Variants in GMPR2 observed in about 807,000 individuals in gnomAD.
GMPR2 encodes guanosine monophosphate reductase 2.
Under a neutral mutation model 38.5 loss-of-function variants are expected in GMPR2, and 32 were observed. The observed-to-expected ratio is 0.83, with a 90% CI of 0.63 to 1.12. The LOEUF (loss-of-function observed/expected upper bound fraction) is 1.12, where lower values mean the gene tolerates loss of function less well. GMPR2 is among the 50% of genes most tolerant of loss of function. The pLI, the probability that GMPR2 is intolerant of heterozygous loss-of-function variation, is 0.00. For synonymous variants in GMPR2, 154 were observed against 151.0 expected (o/e 1.02, Z -0.15); for missense variants, 396 against 432.1 (o/e 0.92, Z 0.74).
intron 5 of GMPR2, 142 bp downstream of exon 5, chr14:24,236,282 CT>C: frequency 1.4e-6 from 1 of 704,042 alleles, no homozygotes; most frequent in Non-Finnish European, 2.5e-6. Context: ...ATCCATAGTT[CT>C]AAGCTGAAAA....
Position 24,233,343 on chromosome 14 carries a change from G to A in GMPR2, c.87+3G>A, listed in dbSNP as rs2040151658. On this transcript the variant is annotated splice_donor_region_variant and intron_variant, in intron 2 of 9. Transcript: ENST00000399440. ...GTACCCTTAAGTCTCGAAGTGAGGTGAGCAAGCTTCTCTACTTGCTGTTTC... is the reference window on the plus strand; with the variant it reads ...GTACCCTTAAGTCTCGAAGTGAGGTAAGCAAGCTTCTCTACTTGCTGTTTC... The A allele has an allele frequency of 1.9e-6, 3 of 1,613,876 alleles. No homozygotes were observed. The highest frequency in any genetic ancestry group is 1.6e-4 in the Middle Eastern group (1 of 6,082).
Position 24,239,170 on chromosome 14 carries a change from A to G in GMPR2, c.*392A>G. The G allele has an allele frequency of 2.7e-6, 1 of 373,476 alleles. No individual in the cohort carries two copies. Among genetic ancestry groups the G allele is most frequent in the East Asian group, 7.1e-5 (1 of 14,030 alleles). The allele number at this position is 373,476 out of a possible 1,614,324, so 23.1% of individuals were successfully genotyped here. ...ATCCGCTTCACTAAATTGGACCTTC[A>G]CATATCTAAAAAGCTCTGAAGTGTT... On this transcript the variant is annotated 3_prime_UTR_variant, in exon 10 of 10. Coordinates refer to ENST00000399440, the MANE Select transcript of GMPR2 (RefSeq NM_001002002.3).
rs778673191 is a variant in GMPR2 at position 24,237,531 on chromosome 14, C to T, written c.666C>T (p.Cys222=). ...LKGHIISDGG[C]SCPGDVAKAF... ...TCCTTACTTTGCAGGATGGAGGTTG[C>T]AGCTGTCCTGGGGATGTGGCCAAGG... is the stretch of plus-strand genomic sequence containing the variant. Residue 222 remains cysteine, a synonymous_variant, in exon 8 of 10, where the codon TGC becomes TGT. Coordinates refer to ENST00000399440, the MANE Select transcript of GMPR2 (RefSeq NM_001002002.3). 6.8e-6 allele frequency: 11 copies of T among 1,613,828 alleles called. No individual in the cohort carries two copies. Among genetic ancestry groups the T allele is most frequent in the Non-Finnish European group, 8.5e-6 (10 of 1,179,896 alleles).
chr14:24,238,676 G>A lies in GMPR2; in HGVS notation c.945G>A (p.Thr315=), dbSNP rs368439578. The A allele has an allele frequency of 8.7e-6, 14 of 1,613,756 alleles. No individual in the cohort carries two copies. The South Asian group carries it at 8.8e-5, about 10-fold the overall frequency. ...ACATCCTAGGAGGGATCCGCTCTAC[G>A]TGTACCTATGTGGGAGCAGCTAAGC... The part of the protein sequence containing the change: ...IRDILGGIRS[T]CTYVGAAKLK... The change falls in exon 10 of 10, where the codon ACG becomes ACA. Residue 315 remains threonine, a synonymous_variant. Transcript: ENST00000399440.
chr14:24,236,972 G>A (rs1392744832), intron 5 of GMPR2, 99 bp from the exon 6 acceptor site: 44 of 925,738 alleles, frequency 4.8e-5, no homozygotes, highest in Non-Finnish European at 7.1e-5. Context: ...TCCTTTCTTT[G>A]TAATAATGTT....
At chr14:24,233,003 T>A (rs546105519) in intron 1 of GMPR2, 26 bp downstream of exon 1, 1 of 611,546 alleles carries the variant, frequency 1.6e-6, no homozygotes, top group East Asian at 2.8e-5. Context: ...TCAGGGTCTC[T>A]CACAACCCTT....
At position 24,236,008 on chromosome 14, in the gene GMPR2, G is replaced by T. The variant is rs767405467; in HGVS notation, c.333G>T (p.Glu111Asp). 1.8e-5 allele frequency: 29 copies of T among 1,613,990 alleles called. No homozygotes were observed. Among genetic ancestry groups the T allele is most frequent in the Non-Finnish European group, 2.5e-5 (29 of 1,179,976 alleles). The change falls in exon 5 of 10, where the codon GAG (glutamate) becomes GAT (aspartate). Residue 111 changes from glutamate (E) to aspartate (D), a missense_variant. Glu to Asp is a conservative substitution (Grantham distance 45). Coordinates refer to ENST00000399440, the MANE Select transcript of GMPR2 (RefSeq NM_001002002.3). ...CAGGCACAGGCTCTTCTGACTTTGA[G>T]CAGCTGGAACAGATCCTGGAAGCTA... ...ASSGTGSSDF[E>D]QLEQILEAIP...
chr14:24,237,252 G>A lies in GMPR2; in HGVS notation c.555G>A (p.Val185=), dbSNP rs773884161. 1.0e-5 allele frequency: 16 copies of A among 1,604,144 alleles called. No homozygotes were observed. In the South Asian group the frequency reaches 1.7e-4, roughly 17 times the overall value. Residue 185 remains valine (V), a synonymous_variant, in exon 7 of 10, where the codon GTG becomes GTA. Transcript: ENST00000399440. The part of the protein sequence containing the change: ...IIKVGIGPGS[V]CTTRKKTGVG... The stretch of plus-strand genomic sequence containing the variant: ...TTATCATGTTCTTCCTAGGCTCTGT[G>A]TGTACTACTCGGAAGAAAACTGGAG...
chr14:24,234,760 T>C (rs1594520992), intron 3 of GMPR2, among the ~76,000 whole-genome samples: 3 of 152,258 alleles, frequency 2.0e-5, no homozygotes, highest in South Asian at 2.1e-4. Context: ...ACTCTGCCAG[T>C]ATATCTCCAA....
rs1214922972 is a variant in GMPR2 at position 24,237,083 on chromosome 14, G to GT, written c.479dup (p.Thr161AsnfsTer14). 45 of 1,612,510 alleles carry GT rather than the reference G, an allele frequency of 2.8e-5. No homozygotes were observed. Among genetic ancestry groups the GT allele is most frequent in the Non-Finnish European group, 3.7e-5 (44 of 1,178,632 alleles). ...TGCTCTGTCTCAGGCAGGGAATGTG[G>GT]TAACAGGAGAGATGGTAGAAGAGCT... On this transcript the variant is annotated frameshift_variant, in exon 6 of 10. Coordinates refer to ENST00000399440, the MANE Select transcript of GMPR2 (RefSeq NM_001002002.3). LOFTEE classifies it high-confidence loss of function.
chr14:24,236,277 T>C, intron 5 of GMPR2, 137 bp downstream of exon 5: 6 of 717,250 alleles, frequency 8.4e-6, no homozygotes, highest in South Asian at 5.2e-5. Flanking sequence ...TGATTATCCA[T>C]AGTTCTAAGC....
chr14:24,232,758 T>C (rs1025162712), upstream of GMPR2: 1 of 228,640 alleles, frequency 4.4e-6, no homozygotes, highest in African/African-American at 2.3e-5. Context: ...CCTGTTGGCG[T>C]GGCCCAGAAG....
rs543473667 is a variant in GMPR2, at chr14:24,237,528, T to C, written c.663T>C (p.Gly221=). The change falls in exon 8 of 10, where the codon GGT becomes GGC. Residue 221 remains glycine, a synonymous_variant. Transcript: ENST00000399440. ...GLKGHIISDG[G]CSCPGDVAKA... Reference sequence around the variant, plus strand: ...TGCTCCTTACTTTGCAGGATGGAGGTTGCAGCTGTCCTGGGGATGTGGCCA... The same window carrying C: ...TGCTCCTTACTTTGCAGGATGGAGGCTGCAGCTGTCCTGGGGATGTGGCCA... The C allele has an allele frequency of 3.1e-6, 5 of 1,613,780 alleles. No individual in the cohort carries two copies. The highest frequency in any genetic ancestry group is 2.7e-5 in the African/African-American group (2 of 74,862).
intron 8 of GMPR2, chr14:24,237,933 A>G (rs1334247286): frequency 2.2e-6 from 1 of 464,674 alleles, no homozygotes; most frequent in Non-Finnish European, 3.8e-6. Flanking sequence ...ACATGAAATG[A>G]GTCTTATTTA....
At chr14:24,236,226 T>G (rs1445817324) in intron 5 of GMPR2, 86 bp downstream of exon 5, 1 of 902,268 alleles carries the variant, frequency 1.1e-6, no homozygotes, top group African/African-American at 1.7e-5. Flanking sequence ...TCTCCTCTGC[T>G]GCATTATGAT....
intron 3 of GMPR2, chr14:24,234,253 T>A: frequency 1.6e-6 from 2 of 1,288,446 alleles, no homozygotes; most frequent in South Asian, 2.5e-5. Flanking sequence ...TAGAGAGTTA[T>A]CTGGGCACTT....
intron 8 of GMPR2, 196 bp from the exon 9 acceptor site, chr14:24,238,050 G>C: frequency 1.1e-5 from 6 of 546,916 alleles, no homozygotes; most frequent in Non-Finnish European, 1.9e-5. Flanking sequence ...TAAATCTTGG[G>C]GAAATCATAC....
At chr14:24,233,696 T>A in intron 3 of GMPR2, 98 bp downstream of exon 3, 1 of 1,346,172 alleles carries the variant, frequency 7.4e-7, no homozygotes, top group Non-Finnish European at 1.1e-6. Context: ...GTCAGTTCTC[T>A]GGCAGTTAGC....
At position 24,238,382 on chromosome 14, in the gene GMPR2, T is replaced by C. The variant is rs374877136; in HGVS notation, c.834T>C (p.Tyr278=). 1.9e-5 allele frequency: 30 copies of C among 1,613,936 alleles called. No individual in the cohort carries two copies. Among genetic ancestry groups the C allele is most frequent in the Admixed American group, 1.2e-4 (7 of 59,984 alleles). Residue 278 remains tyrosine, a synonymous_variant, in exon 9 of 10, where the codon TAT becomes TAC. Coordinates refer to ENST00000399440, the MANE Select transcript of GMPR2 (RefSeq NM_001002002.3). The part of the protein sequence containing the change: ...GMSSEMAMKK[Y]AGGVAEYRAS... ...GTTCTGAAATGGCCATGAAGAAGTA[T>C]GCTGGGGGCGTGGCTGAGTACAGGT...
Sources: allele counts gnomAD v4.1 joint callset (sites outside exome capture counted in the v4.1 genomes callset), GRCh38; gene constraint gnomAD v4.1.1; transcripts MANE v1.5; gene names NCBI Gene and HGNC (gene_info 2026-07-23, HGNC 2026-07-21).